GLB1: variants seen among roughly 807,000 people sequenced by gnomAD.
GLB1 encodes beta-galactosidase.
GLB1 carries 56 observed loss-of-function variants against 74.0 expected under a neutral mutation model. The observed-to-expected ratio is 0.76, with a 90% CI of 0.61 to 0.94. The LOEUF is 0.94. Ranked by LOEUF, GLB1 falls within the 40% of genes least tolerant of loss-of-function variation. The probability of loss-of-function intolerance (pLI) is 0.00; values close to 1 mark genes in which losing one functional copy is unlikely to be tolerated. For missense variants in GLB1, 787 were observed against 845.5 expected (o/e 0.93, Z 0.86); for synonymous variants, 323 against 323.6 (o/e 1.00, Z 0.02).
At chr3:33,032,578 T>C (rs1245270588) in intron 10 of GLB1, among the ~76,000 whole-genome samples, 1 of 141,062 alleles carries the variant, frequency 7.1e-6, no homozygotes, top group Admixed American at 7.4e-5. Context: ...ACACTTTTCT[T>C]TCCTAATTTA....
At chr3:32,962,907 CATATT>C in the GLB1 span, among the ~76,000 whole-genome samples, 1 of 152,028 alleles carries the variant, frequency 6.6e-6, no homozygotes, top group Non-Finnish European at 1.5e-5. Context: ...TTCTTCAAGA[CATATT>C]AATAGCCTTT....
chr3:33,082,706 G>A (rs1279192603), intron 1 of GLB1, among the ~76,000 whole-genome samples: 2 of 152,134 alleles, frequency 1.3e-5, no homozygotes, highest in African/African-American at 4.8e-5. Context: ...AAAACAGTTC[G>A]TGAGTGGGCA....
intron 1 of GLB1, among the ~76,000 whole-genome samples, chr3:33,078,945 G>C (rs1700226938): frequency 6.6e-6 from 1 of 152,116 alleles, no homozygotes; most frequent in Admixed American, 6.6e-5. Flanking sequence ...CTGGGTTCAA[G>C]CGATTCTCCT....
chr3:32,989,219 G>A, the GLB1 span, among the ~76,000 whole-genome samples: 6 of 152,246 alleles, frequency 3.9e-5, no homozygotes, highest in East Asian at 9.6e-4. Flanking sequence ...GTCAGTCTGT[G>A]GTGCTTCTCT....
chr3:33,027,585 C>G (rs1487557011), intron 10 of GLB1, among the ~76,000 whole-genome samples: 1 of 152,182 alleles, frequency 6.6e-6, no homozygotes, highest in East Asian at 1.9e-4. Flanking sequence ...GAGTTCAAGA[C>G]CAGCCTGGCC....
At chr3:33,024,215 C>G (rs1234537881) in intron 11 of GLB1, 36 bp downstream of exon 11, 1 of 1,581,034 alleles carries the variant, frequency 6.3e-7, no homozygotes, top group Admixed American at 1.8e-5. Context: ...ACTCCCATCT[C>G]TCACTTTCAA....
chr3:33,096,719 C>G, intron 1 of GLB1: 1 of 1,246,406 alleles, frequency 8.0e-7, no homozygotes, highest in Non-Finnish European at 1.0e-6. Context: ...TTACACGCAC[C>G]TCGTCTCAAC....
At chr3:33,078,551 A>AG (rs1334703095) in intron 1 of GLB1, among the ~76,000 whole-genome samples, 1 of 152,234 alleles carries the variant, frequency 6.6e-6, no homozygotes, top group Non-Finnish European at 1.5e-5. Context: ...TAATACCATA[A>AG]GGAAGCAATA....
rs1212407268 is a variant in GLB1 at position 33,015,177 on chromosome 3, G to C, written c.1480-867C>G. ...TCAAGATGGAATCTGGGGACAGAAGGAATGAGTGAGTGTGGGATACAAAGG... is the reference window on the plus strand; with the variant it reads ...TCAAGATGGAATCTGGGGACAGAAGCAATGAGTGAGTGTGGGATACAAAGG... On this transcript the variant is annotated intron_variant, in intron 14 of 15. Coordinates refer to ENST00000307363, the MANE Select transcript of GLB1 (RefSeq NM_000404.4). Among the ~76,000 whole-genome samples the C allele has an allele frequency of 2.0e-5, 3 of 152,176 alleles. No individual in the cohort carries two copies. In the East Asian group the frequency reaches 5.8e-4, roughly 29 times the overall value.
intron 15 of GLB1, among the ~76,000 whole-genome samples, chr3:32,998,512 CAAAAAA>C (rs35791447): frequency 1.2e-5 from 1 of 84,472 alleles, no homozygotes; most frequent in Admixed American, 1.3e-4. Flanking sequence ...GACTCCGTCT[CAAAAAA>C]AAAAAAAAAA....
rs1396610759 is a variant in GLB1, at chr3:33,093,919, G to A, written c.75+3092C>T. ...AAGAAACTGGAATGGGCCAGGGCCA[G>A]AAATGCCAGAACCACCACCTTCCAA... On this transcript the variant is annotated intron_variant, in intron 1 of 15. Transcript: ENST00000307363. The surrounding 1 kb of genome is among the most constrained non-coding windows in gnomAD (Gnocchi z 6.0). 2 of 1,614,102 alleles carry A rather than the reference G, an allele frequency of 1.2e-6. No homozygotes were observed. The highest frequency in any genetic ancestry group is 2.2e-5 in the East Asian group (1 of 44,890).
Position 33,072,528 on chromosome 3 carries a change from A to G in GLB1, c.245+16T>C, listed in dbSNP as rs1402094970. On this transcript the variant is annotated intron_variant, in intron 2 of 15. Coordinates refer to ENST00000307363, the MANE Select transcript of GLB1 (RefSeq NM_000404.4). ...GTGTTCAGGCCTAGGTGAGAGCCAC[A>G]TGCCCTCCTACTTACGTCTGGATGG... The G allele has an allele frequency of 1.9e-6, 3 of 1,612,686 alleles. No individual in the cohort carries two copies. The highest frequency in any genetic ancestry group is 4.5e-5 in the East Asian group (2 of 44,872).
At chr3:32,996,139 A>G (rs1228026503), downstream of GLB1, among the ~76,000 whole-genome samples, 1 of 152,192 alleles carries the variant, frequency 6.6e-6, no homozygotes, top group Non-Finnish European at 1.5e-5. Context: ...TGTGAGGGGC[A>G]AGTGAGTTAA....
the GLB1 span, among the ~76,000 whole-genome samples, chr3:32,969,882 A>G: frequency 6.6e-6 from 1 of 152,250 alleles, no homozygotes; most frequent in Admixed American, 6.5e-5. Context: ...ATCCACCACA[A>G]GGGCCTACTT....
In GLB1 at chr3:33,054,038, AT is replaced by A. The variant is rs1312722793; in HGVS notation, c.734-490del. Among the ~76,000 whole-genome samples, 389 of 148,476 alleles carry A rather than the reference AT, an allele frequency of 2.6e-3. 2 individuals are homozygous for A. The highest frequency in any genetic ancestry group is 8.5e-3 in the African/African-American group (340 of 39,788). ...AAAAATATTTTTTTTATTAAAAAAAATAATAATAATAAATAAATAAAAAGAG... is the reference window on the plus strand; with the variant it reads ...AAAAATATTTTTTTTATTAAAAAAAAAATAATAATAAATAAATAAAAAGAG... On this transcript the variant is annotated intron_variant, in intron 6 of 15. Transcript: ENST00000307363.
intron 5 of GLB1, among the ~76,000 whole-genome samples, chr3:33,062,173 A>T (rs1188491761): frequency 1.3e-5 from 2 of 151,876 alleles, no homozygotes; most frequent in Admixed American, 6.6e-5. Flanking sequence ...AGAAATCTTT[A>T]TTTTTTTTGA....
At chr3:33,048,841 C>T (rs1698852025) in intron 9 of GLB1, among the ~76,000 whole-genome samples, 1 of 152,126 alleles carries the variant, frequency 6.6e-6, no homozygotes, top group African/African-American at 2.4e-5. Context: ...GAACAGAAAA[C>T]GTGTGGACTT....
the GLB1 span, among the ~76,000 whole-genome samples, chr3:32,978,765 CTTT>C: frequency 7.9e-6 from 1 of 126,068 alleles, no homozygotes; most frequent in Non-Finnish European, 1.6e-5. Flanking sequence ...TTCTTTCTTT[CTTT>C]TTTTTTTTTT....
the GLB1 span, among the ~76,000 whole-genome samples, chr3:32,984,234 C>A: frequency 6.6e-6 from 1 of 152,008 alleles, no homozygotes; most frequent in African/African-American, 2.4e-5. Flanking sequence ...CCTTGCTCAG[C>A]ATCAAGGTAC....
Sources: allele counts gnomAD v4.1 joint callset (sites outside exome capture counted in the v4.1 genomes callset), GRCh38; gene constraint gnomAD v4.1.1; non-coding constraint Gnocchi (gnomAD v3.1); transcripts MANE v1.5; gene names NCBI Gene and HGNC (gene_info 2026-07-23, HGNC 2026-07-21).